Variants in VWF observed in about 807,000 individuals in gnomAD.
VWF encodes the protein von Willebrand factor, also known as Factor VIII related antigen.
In VWF, 176 loss-of-function variants were observed where a neutral mutation model predicts 308.6. That is an observed-to-expected ratio of 0.57 (90% CI 0.50 to 0.65). VWF has a LOEUF of 0.65. VWF is among the 30% of genes least tolerant of loss of function. VWF has a pLI of 0.00. For synonymous variants in VWF, 1,385 were observed against 1,443.4 expected (o/e 0.96, Z 0.92); for missense variants, 3,146 against 3,648.2 (o/e 0.86, Z 3.55).
chr12:6,114,101 T>A (rs887215952), intron 3 of VWF, among the ~76,000 whole-genome samples: 2 of 152,092 alleles, frequency 1.3e-5, no homozygotes, highest in Admixed American at 1.3e-4. Context: ...ATATGTCACC[T>A]CCGAGCCAAA....
intron 34 of VWF, among the ~76,000 whole-genome samples, chr12:6,010,819 T>A (rs1394485804): frequency 6.6e-6 from 1 of 152,226 alleles, no homozygotes; most frequent in Non-Finnish European, 1.5e-5. Context: ...TTAACTCTAA[T>A]CAAATTCAAA....
At chr12:5,969,127 G>T in intron 45 of VWF, 84 bp downstream of exon 45, 1 of 1,501,830 alleles carries the variant, frequency 6.7e-7, no homozygotes, top group African/African-American at 1.4e-5. Context: ...TTGCTAAAAA[G>T]GCAAAGAATT....
intron 21 of VWF, among the ~76,000 whole-genome samples, chr12:6,030,449 TG>T (rs1210065223): frequency 1.3e-5 from 2 of 152,260 alleles, no homozygotes; most frequent in East Asian, 3.9e-4. Context: ...GCTGAGGCCA[TG>T]GGAGAAAATG....
chr12:6,018,414 C>T lies in VWF; in HGVS notation c.5004G>A (p.Arg1668=), dbSNP rs61750597. 1.2e-5 allele frequency: 19 copies of T among 1,612,560 alleles called. No individual in the cohort carries two copies. In the Admixed American group the frequency reaches 3.2e-4, roughly 27 times the overall value. The change falls in exon 28 of 52, where the codon AGG becomes AGA. Residue 1668 remains arginine (R), a synonymous_variant. Coordinates refer to ENST00000261405, the MANE Select transcript of VWF (RefSeq NM_000552.5). ...PREAPDLVLQ[R]CCSGEGLQIP... is the part of the protein sequence containing the mutation. ...TCTGCAGCCCCTCTCCGGAGCAGCA[C>T]CTCTGCAGCACCAGGTCAGGAGCCT...
chr12:6,062,881 T>C, intron 13 of VWF, 73 bp downstream of exon 13: 3 of 1,288,430 alleles, frequency 2.3e-6, no homozygotes, highest in Non-Finnish European at 3.3e-6. Flanking sequence ...CACAAAGCCA[T>C]TCTACCCAGA....
chr12:6,006,480 A>T lies in VWF; in HGVS notation c.5842+5137T>A, dbSNP rs554044684. Among the ~76,000 whole-genome samples the T allele has an allele frequency of 2.6e-5, 4 of 152,336 alleles. No individual in the cohort carries two copies. In the South Asian group the frequency reaches 8.3e-4, roughly 32 times the overall value. On this transcript the variant is annotated intron_variant, in intron 34 of 51. Coordinates refer to ENST00000261405, the MANE Select transcript of VWF (RefSeq NM_000552.5). ...TATGAAGTGGCTGAAATGAATTTTT[A>T]AAAATAAAATAAAACAGCCAGGTGC... is the stretch of plus-strand genomic sequence containing the variant.
intron 19 of VWF, among the ~76,000 whole-genome samples, chr12:6,035,958 A>G (rs142666949): frequency 1.4e-3 from 211 of 152,358 alleles, no homozygotes; most frequent in Middle Eastern, 0.01. Flanking sequence ...TAAAAATACT[A>G]AATACACATT....
chr12:5,956,298 A>G (rs2136342713), intron 47 of VWF, among the ~76,000 whole-genome samples: 1 of 152,318 alleles, frequency 6.6e-6, no homozygotes, highest in East Asian at 1.9e-4. Context: ...GTTAACTGTA[A>G]AACAGCCTCG....
chr12:5,981,692 T>C (rs1380522507), intron 42 of VWF, 94 bp downstream of exon 42: 1 of 1,359,224 alleles, frequency 7.4e-7, no homozygotes, highest in African/African-American at 1.4e-5. Context: ...GGTAGGTGGA[T>C]GGATGAATGG....
rs1433275337 is a variant in VWF at position 6,075,058 on chromosome 12, A to G, written c.874+277T>C. Among the ~76,000 whole-genome samples, 4 of 107,500 alleles carry G rather than the reference A, an allele frequency of 3.7e-5. No homozygotes were observed. The highest frequency in any genetic ancestry group is 3.0e-4 in the East Asian group (1 of 3,382). The allele number at this position is 107,500 out of a possible 152,430, so 70.5% of individuals were successfully genotyped here. A position where few individuals can be genotyped will look rare whatever the true frequency, so the allele number is the denominator to read the frequency against. On this transcript the variant is annotated intron_variant, in intron 7 of 51. Transcript: ENST00000261405. The surrounding 1 kb of genome is among the most constrained non-coding windows in gnomAD (Gnocchi z 4.7). ...GAAGCAGAGAACACTGTGTGAGTGC[A>G]GGGGTCGGATTTCCTGAGGGAAGTC...
chr12:6,067,710 G>A (rs901199743), intron 10 of VWF, among the ~76,000 whole-genome samples: 1 of 152,140 alleles, frequency 6.6e-6, no homozygotes, highest in African/African-American at 2.4e-5. Context: ...GGGACACTAG[G>A]ATATTCCCCA....
chr12:6,011,850 A>G, intron 33 of VWF, 56 bp from the exon 34 acceptor site: 7 of 1,466,030 alleles, frequency 4.8e-6, no homozygotes, highest in Non-Finnish European at 6.7e-6. Flanking sequence ...CTCCAACTCT[A>G]AGCCCATCTG....
At chr12:6,036,143 C>T (rs183782647) in intron 19 of VWF, among the ~76,000 whole-genome samples, 1 of 152,236 alleles carries the variant, frequency 6.6e-6, no homozygotes, top group Admixed American at 6.5e-5. Context: ...AGTTGTGGTC[C>T]CAAGCATTTC....
chr12:6,089,224 A>T (rs1945005750), intron 6 of VWF, among the ~76,000 whole-genome samples: 1 of 152,144 alleles, frequency 6.6e-6, no homozygotes, highest in Non-Finnish European at 1.5e-5. Flanking sequence ...TTGGGAGACG[A>T]GTCATTGTGC....
chr12:6,065,743 G>A (rs1944706718), intron 10 of VWF, among the ~76,000 whole-genome samples: 1 of 152,088 alleles, frequency 6.6e-6, no homozygotes, highest in Non-Finnish European at 1.5e-5. Flanking sequence ...AGAGGCTCTG[G>A]GAAACAGTGT....
Position 5,985,331 on chromosome 12 carries a change from G to A in VWF, c.6902-212C>T, listed in dbSNP as rs543499558. On this transcript the variant is annotated intron_variant, in intron 39 of 51. Coordinates refer to ENST00000261405, the MANE Select transcript of VWF (RefSeq NM_000552.5). Reference sequence around the variant, plus strand: ...CTCCAGGGGACTCTTAAGTCTGACCGTTGCTGGGGACCAGAGGCGAGGGTT... The same window carrying A: ...CTCCAGGGGACTCTTAAGTCTGACCATTGCTGGGGACCAGAGGCGAGGGTT... 2.9e-4 allele frequency among the ~76,000 whole-genome samples: 44 copies of A among 152,332 alleles called. 1 individual carries two copies. The South Asian group carries it at 6.6e-3, about 23-fold the overall frequency.
chr12:6,065,742 G>C (rs1164975466), intron 10 of VWF, among the ~76,000 whole-genome samples: 1 of 152,078 alleles, frequency 6.6e-6, no homozygotes, highest in Non-Finnish European at 1.5e-5. Context: ...GAGAGGCTCT[G>C]GGAAACAGTG....
In VWF at chr12:6,073,616, T is replaced by C; in HGVS notation, c.997+3A>G. 4 of 1,614,010 alleles carry C rather than the reference T, an allele frequency of 2.5e-6. No homozygotes were observed. Among genetic ancestry groups the C allele is most frequent in the Non-Finnish European group, 3.4e-6 (4 of 1,180,028 alleles). ...TCTGTAAATAAAGTGGGAAGTTCAT[T>C]ACCAGGGCAGCTGCAGCCATCCACG... On this transcript the variant is annotated splice_donor_region_variant and intron_variant, in intron 8 of 51. Coordinates refer to ENST00000261405, the MANE Select transcript of VWF (RefSeq NM_000552.5).
intron 24 of VWF, among the ~76,000 whole-genome samples, chr12:6,025,236 T>G (rs1206052040): frequency 6.6e-6 from 1 of 152,092 alleles, no homozygotes; most frequent in Non-Finnish European, 1.5e-5. Context: ...AATGCAGCAG[T>G]GACAGGAAAA....
Sources: allele counts gnomAD v4.1 joint callset (sites outside exome capture counted in the v4.1 genomes callset), GRCh38; gene constraint gnomAD v4.1.1; non-coding constraint Gnocchi (gnomAD v3.1); transcripts MANE v1.5; gene names NCBI Gene and HGNC (gene_info 2026-07-23, HGNC 2026-07-21).